The following BCAR3 variants were observed in gnomAD, a reference collection of about 807,000 sequenced individuals.
The protein encoded by BCAR3 is BCAR3 adaptor protein, NSP family member.
BCAR3 carries 37 observed loss-of-function variants against 80.1 expected under a neutral mutation model. That is an observed-to-expected ratio of 0.46 (90% CI 0.36 to 0.61). BCAR3 has a LOEUF of 0.61. Among genes scored for constraint, BCAR3 ranks in the 20% least tolerant of loss-of-function variants. BCAR3 has a pLI of 0.00. For missense variants in BCAR3, 978 were observed against 1,068.2 expected (o/e 0.92, Z 1.18); for synonymous variants, 389 against 418.9 (o/e 0.93, Z 0.87).
At chr1:93,585,594 C>T (rs1673908074) in intron 5 of BCAR3, among the ~76,000 whole-genome samples, 1 of 152,218 alleles carries the variant, frequency 6.6e-6, no homozygotes. Context: ...CCTGCTTCGA[C>T]CATTCAGCAG....
intron 3 of BCAR3, among the ~76,000 whole-genome samples, chr1:93,688,250 T>G (rs763987463): frequency 4.6e-5 from 7 of 152,232 alleles, no homozygotes; most frequent in South Asian, 2.1e-4. Context: ...GAATAAATAG[T>G]GACAGAGTGA....
intron 2 of BCAR3, among the ~76,000 whole-genome samples, chr1:93,723,998 T>C (rs1650495395): frequency 6.6e-6 from 1 of 152,208 alleles, no homozygotes; most frequent in South Asian, 2.1e-4. Context: ...AGCAGTGCCT[T>C]TGTCTCTGCA....
At chr1:93,730,111 T>C (rs1650730302) in intron 2 of BCAR3, among the ~76,000 whole-genome samples, 1 of 152,180 alleles carries the variant, frequency 6.6e-6, no homozygotes, top group Non-Finnish European at 1.5e-5. Flanking sequence ...CATATAAGCA[T>C]CTCTCAGTTC....
intron 1 of BCAR3, among the ~76,000 whole-genome samples, chr1:93,680,424 G>T (rs1648698545): frequency 6.6e-6 from 1 of 152,124 alleles, no homozygotes; most frequent in Non-Finnish European, 1.5e-5. Flanking sequence ...TTGCCTGTGG[G>T]CTTCCCATTG....
intron 2 of BCAR3, among the ~76,000 whole-genome samples, chr1:93,837,386 T>C (rs2100843844): frequency 6.6e-6 from 1 of 152,346 alleles, no homozygotes; most frequent in Admixed American, 6.5e-5. Flanking sequence ...ACTCACTTAG[T>C]TCAATGTAAT....
intron 1 of BCAR3, among the ~76,000 whole-genome samples, chr1:93,678,652 T>A (rs1648604174): frequency 1.3e-5 from 2 of 152,218 alleles, no homozygotes; most frequent in Admixed American, 6.5e-5. Flanking sequence ...ATCCAAGTTG[T>A]AAGCACGCTA....
At chr1:93,822,334 G>A (rs1287218039) in intron 2 of BCAR3, among the ~76,000 whole-genome samples, 4 of 143,004 alleles carry the variant, frequency 2.8e-5, no homozygotes, top group East Asian at 2.0e-4. Context: ...TCACCATCTC[G>A]CATGGCTAAT....
chr1:93,575,095 A>G (rs1673399383), intron 8 of BCAR3, among the ~76,000 whole-genome samples: 1 of 152,104 alleles, frequency 6.6e-6, no homozygotes, highest in Non-Finnish European at 1.5e-5. Context: ...ATAAAAAGTC[A>G]TCCTTCAATC....
chr1:93,704,048 G>T (rs1649743634), intron 3 of BCAR3, among the ~76,000 whole-genome samples: 1 of 152,164 alleles, frequency 6.6e-6, no homozygotes, highest in Non-Finnish European at 1.5e-5. Context: ...AGTGGTTAGT[G>T]GTATATAGGA....
chr1:93,730,960 A>G (rs1004050694), intron 2 of BCAR3, among the ~76,000 whole-genome samples: 4 of 152,256 alleles, frequency 2.6e-5, no homozygotes, highest in Admixed American at 2.6e-4. Context: ...TGTGGGCAGC[A>G]TGTGCCCTTG....
chr1:93,674,925 A>C lies in BCAR3; in HGVS notation c.6T>G (p.Ala2=), dbSNP rs201521415. The C allele has an allele frequency of 1.9e-6, 3 of 1,554,254 alleles. No homozygotes were observed. The highest frequency in any genetic ancestry group is 1.4e-5 in the African/African-American group (1 of 72,290). The part of the protein sequence containing the change: M[A]AGKFASLPRN... Reference sequence around the variant, plus strand: ...TGGGAAGGCTTGCAAATTTTCCTGCAGCCATAATTCTCAACTCTAAGGGGG... The same window carrying C: ...TGGGAAGGCTTGCAAATTTTCCTGCCGCCATAATTCTCAACTCTAAGGGGG... Residue 2 remains alanine, a synonymous_variant, in exon 2 of 12, where the codon GCT becomes GCG. Coordinates refer to ENST00000260502, the MANE Select transcript of BCAR3 (RefSeq NM_003567.4).
At chr1:93,755,280 AT>A (rs1490920566) in intron 2 of BCAR3, among the ~76,000 whole-genome samples, 14 of 152,204 alleles carry the variant, frequency 9.2e-5, no homozygotes, top group Non-Finnish European at 1.8e-4. Context: ...TTTAAAATAA[AT>A]TTAGTGTAGC....
At chr1:93,736,259 C>T (rs1162539899) in intron 2 of BCAR3, among the ~76,000 whole-genome samples, 1 of 152,224 alleles carries the variant, frequency 6.6e-6, no homozygotes, top group Non-Finnish European at 1.5e-5. Flanking sequence ...GCGATCTCGG[C>T]TTACTGCAAC....
At chr1:93,570,820 T>A (rs12094668) in intron 9 of BCAR3, among the ~76,000 whole-genome samples, 10,386 of 152,286 alleles carry the variant, frequency 0.068, 1,158 homozygotes, top group African/African-American at 0.24. Flanking sequence ...TTGGTTCTCC[T>A]TGAATCACTA....
At chr1:93,651,216 G>A (rs1676315654) in intron 2 of BCAR3, among the ~76,000 whole-genome samples, 1 of 152,154 alleles carries the variant, frequency 6.6e-6, no homozygotes, top group Non-Finnish European at 1.5e-5. Flanking sequence ...ACTTCTGTAT[G>A]GAAGAAGGAG....
In BCAR3 at chr1:93,567,744, G is replaced by A. The variant is rs1458659990; in HGVS notation, c.2082C>T (p.Gly694=). The change falls in exon 10 of 12, where the codon GGC becomes GGT. Residue 694 remains glycine, a synonymous_variant. Transcript: ENST00000260502. The stretch of plus-strand genomic sequence containing the variant: ...TTGCTCTGCCCACGTGCTCACCTCT[G>A]CCTTCATGCAGGAGTTTGCTGAAGG... The part of the protein sequence containing the change: ...LKPFSKLLHE[G]RESTCVPPNN... 3.1e-6 allele frequency: 5 copies of A among 1,613,402 alleles called. No individual in the cohort carries two copies. The highest frequency in any genetic ancestry group is 4.2e-6 in the Non-Finnish European group (5 of 1,179,342).
chr1:93,636,895 G>A lies in BCAR3; in HGVS notation c.357+5409C>T, dbSNP rs1570993015. The stretch of plus-strand genomic sequence containing the variant: ...GAGTATCACTTGAGGCCAAGAGTTC[G>A]AGGCAAGCCTGGGCAACATAGTGAG... On this transcript the variant is annotated intron_variant, in intron 3 of 11. Coordinates refer to ENST00000260502, the MANE Select transcript of BCAR3 (RefSeq NM_003567.4). Among the ~76,000 whole-genome samples the A allele has an allele frequency of 5.3e-5, 8 of 152,206 alleles. No individual in the cohort carries two copies. The South Asian group carries it at 1.7e-3, about 32-fold the overall frequency.
chr1:93,660,740 A>G (rs1211423100), intron 2 of BCAR3, among the ~76,000 whole-genome samples: 3 of 152,250 alleles, frequency 2.0e-5, no homozygotes, highest in Non-Finnish European at 1.5e-5. Context: ...TTTGATACAG[A>G]GTCTCGCAAT....
chr1:93,583,725 G>C (rs1159730319), intron 6 of BCAR3, among the ~76,000 whole-genome samples: 1 of 152,186 alleles, frequency 6.6e-6, no homozygotes, highest in Non-Finnish European at 1.5e-5. Context: ...GGGTTCAAAT[G>C]CTGGGTGATT....
Sources: gnomAD v4.1 joint callset for allele counts (sites outside exome capture counted in the v4.1 genomes callset) on GRCh38, gnomAD v4.1.1 for gene constraint, MANE v1.5 for transcripts, NCBI Gene and HGNC (gene_info 2026-07-23, HGNC 2026-07-21) for gene names.